Variants in NAV1 observed in about 807,000 individuals in gnomAD.
The protein encoded by NAV1 is pore membrane and/or filament interacting like protein 3.
NAV1 carries 18 observed loss-of-function variants against 175.2 expected under a neutral mutation model. That is an observed-to-expected ratio of 0.10 (90% CI 0.07 to 0.15). The LOEUF (loss-of-function observed/expected upper bound fraction) is 0.15, where lower values mean the gene tolerates loss of function less well. Among genes scored for constraint, NAV1 ranks in the 10% least tolerant of loss-of-function variants. The pLI, the probability that NAV1 is intolerant of heterozygous loss-of-function variation, is 1.00. For synonymous variants in NAV1, 897 were observed against 978.7 expected (o/e 0.92, Z 1.56); for missense variants, 1,731 against 2,436.6 (o/e 0.71, Z 6.10).
At chr1:201,803,674 G>A (rs777253346) in exon 16 of NAV1, 5 of 1,613,494 alleles carry the variant, frequency 3.1e-6, no homozygotes, top group South Asian at 2.2e-5. Flanking sequence ...ATCGGCAGCA[G>A]CAAGGATGCT....
intron 1 of NAV1, among the ~76,000 whole-genome samples, chr1:201,653,284 G>A (rs2102340618): frequency 6.6e-6 from 1 of 152,224 alleles, no homozygotes. Context: ...CAGGAAAAGG[G>A]GGCAAAGTGA....
intron 3 of NAV1, among the ~76,000 whole-genome samples, chr1:201,749,040 C>T (rs1390212791): frequency 7.9e-5 from 12 of 151,960 alleles, no homozygotes; most frequent in Non-Finnish European, 7.4e-5. Context: ...CCCAGCTACT[C>T]GGGAGGCTGA....
At chr1:201,708,006 G>A (rs1390018102) in intron 1 of NAV1, among the ~76,000 whole-genome samples, 2 of 152,170 alleles carry the variant, frequency 1.3e-5, no homozygotes, top group Non-Finnish European at 2.9e-5. Flanking sequence ...ATGCCTCGTG[G>A]TGAACATTGA....
At chr1:201,757,330 T>C (rs1674576312) in intron 3 of NAV1, among the ~76,000 whole-genome samples, 2 of 152,106 alleles carry the variant, frequency 1.3e-5, no homozygotes, top group Non-Finnish European at 2.9e-5. Context: ...GCACAATCCA[T>C]AAATCATAGC....
intron 1 of NAV1, among the ~76,000 whole-genome samples, chr1:201,671,963 C>T (rs555930735): frequency 2.6e-5 from 4 of 152,182 alleles, no homozygotes; most frequent in African/African-American, 7.2e-5. Context: ...CCTGATCCTC[C>T]GCATCCCGGC....
At chr1:201,646,303 G>A (rs1232200998), upstream of NAV1, among the ~76,000 whole-genome samples, 3 of 152,260 alleles carry the variant, frequency 2.0e-5, no homozygotes, top group East Asian at 5.8e-4. Flanking sequence ...AATCTGCATT[G>A]TGCATTGCAG....
At chr1:201,785,202 C>T (rs1411269975) in intron 7 of NAV1, 108 bp from the exon 12 acceptor site, 22 of 1,112,778 alleles carry the variant, frequency 2.0e-5, no homozygotes, top group Middle Eastern at 2.6e-4. Context: ...TGATGTCCTG[C>T]GTCTAGGGTC....
chr1:201,552,188 GC>G (rs1665875224), intron 1 of NAV1, among the ~76,000 whole-genome samples: 1 of 152,222 alleles, frequency 6.6e-6, no homozygotes, highest in Non-Finnish European at 1.5e-5. Context: ...CCGAGTCAGG[GC>G]TGGCATGCTG....
intron 1 of NAV1, among the ~76,000 whole-genome samples, chr1:201,573,378 A>G (rs12091347): frequency 0.058 from 8,778 of 152,266 alleles, 615 homozygotes; most frequent in African/African-American, 0.17. Flanking sequence ...TCAAGGGGAA[A>G]GAAGAAAGGA....
chr1:201,547,185 C>T (rs1329935231), intron 1 of NAV1, among the ~76,000 whole-genome samples: 1 of 151,968 alleles, frequency 6.6e-6, no homozygotes, highest in African/African-American at 2.4e-5. Flanking sequence ...GACGGGGTTT[C>T]TCCATGTTGG....
intron 1 of NAV1, among the ~76,000 whole-genome samples, chr1:201,659,372 T>C (rs114771621): frequency 0.017 from 2,619 of 152,302 alleles, 39 homozygotes; most frequent in Middle Eastern, 0.054. Flanking sequence ...TCCCAGCACT[T>C]TGGGAGGCCG....
chr1:201,809,470 G>C (rs369057119), exon 22 of NAV1: 1 of 1,614,100 alleles, frequency 6.2e-7, no homozygotes. Context: ...TTCTTCCTGG[G>C]CTGTAGCAAG....
chr1:201,587,303 A>G (rs969483155), intron 1 of NAV1, among the ~76,000 whole-genome samples: 5 of 152,116 alleles, frequency 3.3e-5, no homozygotes, highest in Non-Finnish European at 7.4e-5. Flanking sequence ...TTCAAATGAT[A>G]CTGTCAAGAA....
chr1:201,826,562 A>C (rs1245411025), exon 30 of NAV1: 2 of 152,196 alleles, frequency 1.3e-5, no homozygotes, highest in African/African-American at 2.4e-5. Context: ...GAGAGTGGGC[A>C]GAAGTTTTTG....
In NAV1 at chr1:201,782,273, T is replaced by G; in HGVS notation, c.1761T>G (p.Ser587Arg). Reference sequence around the variant, plus strand: ...CTGATGCTGGTCGGGACCGCCTGAGTGATGCTAAGAAGCCCCCCTCGGGCA... The same window carrying G: ...CTGATGCTGGTCGGGACCGCCTGAGGGATGCTAAGAAGCCCCCCTCGGGCA... The change falls in exon 6 of 30, where the codon AGT becomes AGG. Residue 587 changes from serine (S) to arginine (R), a missense_variant. Physicochemically the swap from Ser to Arg is moderately radical, Grantham distance 110. Transcript: ENST00000367296. This position sits in a 1 kb window ranked among gnomAD's most constrained non-coding sequence, Gnocchi z 5.4. 1 of 1,614,066 alleles carries G rather than the reference T, an allele frequency of 6.2e-7. No homozygotes were observed. Among genetic ancestry groups the G allele is most frequent in the Non-Finnish European group, 8.5e-7 (1 of 1,179,994 alleles).
chr1:201,571,930 A>G (rs569472132), intron 1 of NAV1, among the ~76,000 whole-genome samples: 12 of 152,336 alleles, frequency 7.9e-5, no homozygotes, highest in African/African-American at 2.9e-4. Flanking sequence ...ATAACCATCT[A>G]TTAATAGCGG....
chr1:201,655,063 AT>A (rs1669347222), intron 1 of NAV1, among the ~76,000 whole-genome samples: 1 of 151,640 alleles, frequency 6.6e-6, no homozygotes, highest in Non-Finnish European at 1.5e-5. Flanking sequence ...TCTTCCTTCC[AT>A]TTTTCTTCCA....
chr1:201,649,501 G>C (rs1387708387), intron 1 of NAV1, 76 bp downstream of exon 5: 1 of 1,438,292 alleles, frequency 7.0e-7, no homozygotes, highest in Non-Finnish European at 9.1e-7. Flanking sequence ...TGGGGAAAGC[G>C]AAGCCCCCTC....
At position 201,740,140 on chromosome 1, in the gene NAV1, C is replaced by A; in HGVS notation, c.1226+21385C>A. 2.3e-6 allele frequency: 3 copies of A among 1,294,426 alleles called. No individual in the cohort carries two copies. Among genetic ancestry groups the A allele is most frequent in the Admixed American group, 3.1e-5 (1 of 32,238 alleles). 80.2% of individuals were successfully genotyped at this position (1,294,426 alleles called of 1,614,324 possible). A position where few individuals can be genotyped will look rare whatever the true frequency, so the allele number is the denominator to read the frequency against. On this transcript the variant is annotated intron_variant, in intron 3 of 29. Transcript: ENST00000367296. The surrounding 1 kb of genome is among the most constrained non-coding windows in gnomAD (Gnocchi z 4.7). ...CAGAGCTGGGGTCGGGTTTGTGGCA[C>A]CCCCAGCCCCGCCGCAGCCCCCCAG...
Sources: gnomAD v4.1 joint callset for allele counts (sites outside exome capture counted in the v4.1 genomes callset) on GRCh38, gnomAD v4.1.1 for gene constraint, Gnocchi (gnomAD v3.1) non-coding constraint, MANE v1.5 for transcripts, NCBI Gene and HGNC (gene_info 2026-07-23, HGNC 2026-07-21) for gene names.